The following ZNF81 variants were observed in gnomAD, a reference collection of about 807,000 sequenced individuals.
ZNF81 encodes the protein zinc finger protein 81, also known as zinc finger protein 81 (HFZ20).
In ZNF81, 5 loss-of-function variants were observed where a neutral mutation model predicts 32.3. That is an observed-to-expected ratio of 0.15 (90% CI 0.08 to 0.33). ZNF81 has a LOEUF of 0.33. Ranked by LOEUF, ZNF81 falls within the 10% of genes least tolerant of loss-of-function variation. The probability of loss-of-function intolerance (pLI) is 1.00; values close to 1 mark genes in which losing one functional copy is unlikely to be tolerated. For missense variants in ZNF81, 379 were observed against 479.8 expected (o/e 0.79, Z 1.96); for synonymous variants, 163 against 166.8 (o/e 0.98, Z 0.17).
At chrX:47,889,848 A>G (rs1257404796) in intron 3 of ZNF81, among the ~76,000 whole-genome samples, 1 of 110,039 alleles carries the variant, frequency 9.1e-6, no homozygotes, top group African/African-American at 3.3e-5. Context: ...ACCAGATCTC[A>G]CGAGAACTCA....
chrX:47,915,271 A>G lies in ZNF81; in HGVS notation c.625A>G (p.Asn209Asp), dbSNP rs782263364. ...GCATAATTTAGACTTACATATTCAT[A>G]ATAAAAGCAATGCAGCAAAGAACCT... ...FKHNLDLHIHNKSNAAKNLDK... is the reference protein window; with the variant it reads ...FKHNLDLHIHDKSNAAKNLDK... The change falls in exon 5 of 5, where the codon AAT becomes GAT. Residue 209 changes from asparagine to aspartate, a missense_variant. Asn to Asp is a conservative substitution (Grantham distance 23). This residue lies in a region of ZNF81 where 277 missense variants were observed against 306.6 expected (regional missense o/e 0.90). Coordinates refer to ENST00000338637, the MANE Select transcript of ZNF81 (RefSeq NM_007137.5). The G allele has an allele frequency of 4.1e-6, 5 of 1,211,553 alleles. No individual in the cohort carries two copies. Among genetic ancestry groups the G allele is most frequent in the Non-Finnish European group, 5.6e-6 (5 of 895,387 alleles).
intron 3 of ZNF81, among the ~76,000 whole-genome samples, chrX:47,892,354 C>T (rs782506427): frequency 1.8e-5 from 2 of 112,140 alleles, no homozygotes; most frequent in East Asian, 5.6e-4. Flanking sequence ...CAGACAAGAG[C>T]ACTTGGACAT....
In ZNF81 at chrX:47,922,751, C is replaced by G. The variant is rs1277819959; in HGVS notation, c.*6119C>G. Among the ~76,000 whole-genome samples, 2 of 111,886 alleles carry G rather than the reference C, an allele frequency of 1.8e-5. No individual in the cohort carries two copies. The highest frequency in any genetic ancestry group is 3.8e-5 in the Non-Finnish European group (2 of 53,186). The stretch of plus-strand genomic sequence containing the variant: ...GTACCACAAATTGGGCAGCCTAAAA[C>G]AGCAGAAATTGTCTCATTGTTCTTG... On this transcript the variant is annotated 3_prime_UTR_variant, in exon 5 of 5. Coordinates refer to ENST00000338637, the MANE Select transcript of ZNF81 (RefSeq NM_007137.5).
Position 47,915,731 on chromosome X carries a change from A to G in ZNF81, c.1085A>G (p.Glu362Gly). ...AGAGAGAAACCCTATAAATGCAATG[A>G]ATGTGGGAAATCATTTTTCCAGGTG... is the stretch of plus-strand genomic sequence containing the variant. The part of the protein sequence containing the change: ...HTREKPYKCN[E>G]CGKSFFQVSS... The change falls in exon 5 of 5, where the codon GAA becomes GGA. Residue 362 changes from glutamate to glycine, a missense_variant. By Grantham distance (98) the Glu-to-Gly change is moderately conservative. Transcript: ENST00000338637. 1 of 1,211,376 alleles carries G rather than the reference A, an allele frequency of 8.3e-7. No individual in the cohort carries two copies. The highest frequency in any genetic ancestry group is 1.1e-6 in the Non-Finnish European group (1 of 895,406).
rs191641029 is a variant in ZNF81, at chrX:47,896,082, C to T, written c.277+142C>T. The T allele has an allele frequency of 5.1e-4, 235 of 459,144 alleles. No individual in the cohort carries two copies. In the East Asian group the frequency reaches 7.7e-3, roughly 15 times the overall value. The allele number at this position is 459,144 out of a possible 1,213,427, so 37.8% of individuals were successfully genotyped here. The stretch of plus-strand genomic sequence containing the variant: ...TTGAGGATAGGTAGCATTGGCCTCT[C>T]GGGTGCCAAATTGTTCTCTCCTTTT... On this transcript the variant is annotated intron_variant, in intron 4 of 4. Transcript: ENST00000338637.
At chrX:47,904,240 T>C (rs1169328139) in intron 4 of ZNF81, among the ~76,000 whole-genome samples, 1 of 110,825 alleles carries the variant, frequency 9.0e-6, no homozygotes, top group African/African-American at 3.3e-5. Flanking sequence ...AAAGAGCTTC[T>C]GCACAGCAAA....
chrX:47,877,800 G>A (rs2148022763), intron 2 of ZNF81, among the ~76,000 whole-genome samples: 1 of 112,118 alleles, frequency 8.9e-6, no homozygotes, highest in Non-Finnish European at 1.9e-5. Context: ...GAGTTTTCCA[G>A]GACAGTGTGA....
chrX:47,850,537 A>G (rs1377619739), intron 2 of ZNF81, among the ~76,000 whole-genome samples: 2 of 105,725 alleles, frequency 1.9e-5, no homozygotes, highest in Non-Finnish European at 3.9e-5. Flanking sequence ...ATAAAACTTG[A>G]AAGCAAAGTG....
intron 1 of ZNF81, chrX:47,841,175 G>C: frequency 2.6e-6 from 2 of 783,883 alleles, no homozygotes; most frequent in Non-Finnish European, 3.9e-6. Flanking sequence ...AACTTCCCCA[G>C]GTGCTCCTCA....
rs1161048561 is a variant in ZNF81, at chrX:47,922,842, C to T, written c.*6210C>T. Among the ~76,000 whole-genome samples, 4 of 111,425 alleles carry T rather than the reference C, an allele frequency of 3.6e-5. No homozygotes were observed. Among genetic ancestry groups the T allele is most frequent in the African/African-American group, 6.5e-5 (2 of 30,655 alleles). The stretch of plus-strand genomic sequence containing the variant: ...CCCTCTGAAGGTGCTAGGGAAGGAA[C>T]GGTTCCATGCCTCTCTCCTAGCTTT... On this transcript the variant is annotated 3_prime_UTR_variant, in exon 5 of 5. Coordinates refer to ENST00000338637, the MANE Select transcript of ZNF81 (RefSeq NM_007137.5).
At chrX:47,872,662 A>G (rs2058584818) in intron 2 of ZNF81, among the ~76,000 whole-genome samples, 1 of 111,996 alleles carries the variant, frequency 8.9e-6, no homozygotes, top group Non-Finnish European at 1.9e-5. Context: ...AAATGTATTT[A>G]CTTCCCTAAG....
chrX:47,877,046 A>G (rs2058602459), intron 2 of ZNF81, among the ~76,000 whole-genome samples: 2 of 112,278 alleles, frequency 1.8e-5, no homozygotes, highest in South Asian at 7.4e-4. Flanking sequence ...TCACAGCACA[A>G]GCATGTAAAA....
intron 4 of ZNF81, among the ~76,000 whole-genome samples, chrX:47,913,982 C>A (rs907722301): frequency 3.6e-5 from 4 of 111,435 alleles, no homozygotes; most frequent in Non-Finnish European, 7.5e-5. Context: ...CAAGAAGATA[C>A]ATGTGTATGC....
intron 3 of ZNF81, among the ~76,000 whole-genome samples, chrX:47,894,997 G>A (rs782562879): frequency 9.0e-5 from 10 of 111,597 alleles, no homozygotes; most frequent in Non-Finnish European, 1.1e-4. Context: ...TGACGATGTC[G>A]AGATGTGATT....
chrX:47,888,322 T>G lies in ZNF81; in HGVS notation c.181+197T>G, dbSNP rs1190095206. ...TAATCTAATATAATTGGTGTCCTTA[T>G]AAAAAGGAGAAAACTGGACACAGAC... is the stretch of plus-strand genomic sequence containing the variant. On this transcript the variant is annotated intron_variant, in intron 3 of 4. Transcript: ENST00000338637. The G allele has an allele frequency of 5.6e-6, 3 of 534,297 alleles. No individual in the cohort carries two copies. The Admixed American group carries it at 1.1e-4, about 20-fold the overall frequency. 44.0% of individuals were successfully genotyped at this position (534,297 alleles called of 1,213,427 possible).
intron 2 of ZNF81, among the ~76,000 whole-genome samples, chrX:47,864,112 G>C (rs1411967681): frequency 8.9e-6 from 1 of 111,876 alleles, no homozygotes; most frequent in Non-Finnish European, 1.9e-5. Flanking sequence ...CTGGGGTCAG[G>C]CATATTCATG....
At chrX:47,864,245 C>T (rs782771095) in intron 2 of ZNF81, among the ~76,000 whole-genome samples, 35 of 111,270 alleles carry the variant, frequency 3.1e-4, no homozygotes, top group Non-Finnish European at 4.9e-4. Flanking sequence ...TGCCTGTGGA[C>T]GGTAGAGAAT....
chrX:47,852,517 T>G (rs781809180), intron 2 of ZNF81, among the ~76,000 whole-genome samples: 43 of 112,487 alleles, frequency 3.8e-4, no homozygotes, highest in African/African-American at 1.4e-3. Flanking sequence ...ATTTCCACAC[T>G]GTCCACAGCA....
intron 2 of ZNF81, among the ~76,000 whole-genome samples, chrX:47,858,757 A>G (rs1055723261): frequency 1.8e-5 from 2 of 111,870 alleles, no homozygotes; most frequent in Non-Finnish European, 3.8e-5. Context: ...ATGTTTCACT[A>G]TATGCTCTAT....
Sources: allele counts gnomAD v4.1 joint callset (sites outside exome capture counted in the v4.1 genomes callset), GRCh38; gene constraint gnomAD v4.1.1; regional missense constraint gnomAD v4.1.1; transcripts MANE v1.5; gene names NCBI Gene and HGNC (gene_info 2026-07-23, HGNC 2026-07-21).